PTPRD: variants seen among roughly 807,000 people sequenced by gnomAD.
The protein encoded by PTPRD is protein tyrosine phosphatase receptor type D.
Under a neutral mutation model 214.5 loss-of-function variants are expected in PTPRD, and 34 were observed. The ratio of observed to expected loss-of-function variants is 0.16; its 90% CI spans 0.12 to 0.21. PTPRD has a LOEUF of 0.21. PTPRD is among the 10% of genes least tolerant of loss of function. The probability of loss-of-function intolerance (pLI) is 1.00; values close to 1 mark genes in which losing one functional copy is unlikely to be tolerated. For synonymous variants in PTPRD, 1,128 were observed against 845.7 expected, an observed-to-expected ratio of 1.33 and a Z score of -5.79; for missense variants, 2,545 against 2,398.7, an observed-to-expected ratio of 1.06 and a Z score of -1.27.
At chr9:8,684,404 G>C (rs939192257) in intron 12 of PTPRD, among the ~76,000 whole-genome samples, 3 of 151,968 alleles carry the variant, frequency 2.0e-5, no homozygotes, top group African/African-American at 7.3e-5. Context: ...GCTGACAAGT[G>C]AACCAAGATT....
chr9:8,626,778 C>T (rs1340976760), intron 14 of PTPRD, among the ~76,000 whole-genome samples: 2 of 151,678 alleles, frequency 1.3e-5, no homozygotes, highest in African/African-American at 2.4e-5. Flanking sequence ...AGGTCTTCAG[C>T]TTGCCAGCCT....
chr9:8,398,167 T>C (rs2091637959), intron 36 of PTPRD, among the ~76,000 whole-genome samples: 1 of 152,208 alleles, frequency 6.6e-6, no homozygotes, highest in Admixed American at 6.5e-5. Flanking sequence ...AAAGATAATC[T>C]TAACAATTCC....
chr9:10,380,094 A>C (rs113272618), intron 2 of PTPRD, among the ~76,000 whole-genome samples: 14 of 152,198 alleles, frequency 9.2e-5, no homozygotes, highest in African/African-American at 3.4e-4. Flanking sequence ...AGAGTGGCTG[A>C]GAATACAGGC....
intron 7 of PTPRD, among the ~76,000 whole-genome samples, chr9:9,621,381 T>C (rs1344538063): frequency 2.0e-5 from 3 of 152,218 alleles, no homozygotes; most frequent in Non-Finnish European, 4.4e-5. Context: ...TCCTATTTTA[T>C]TATAGAAACG....
chr9:10,263,821 A>T (rs1291967504), intron 3 of PTPRD, among the ~76,000 whole-genome samples: 2 of 152,144 alleles, frequency 1.3e-5, no homozygotes, highest in African/African-American at 4.8e-5. Context: ...CCTTTGCAGC[A>T]GCCCCTCTTA....
rs2096999331 is a variant in PTPRD at position 8,486,093 on chromosome 9, C to A, written c.2724G>T (p.Val908=). 1 of 1,614,204 alleles carries A rather than the reference C, an allele frequency of 6.2e-7. No individual in the cohort carries two copies. The highest frequency in any genetic ancestry group is 8.5e-7 in the Non-Finnish European group (1 of 1,180,028). ...CTTCTTCTGGAATGGAAATCTCCTT[C>A]ACCATCTCCTCCCCAAAGCCCACTT... The part of the protein sequence containing the change: ...RNKVGFGEEM[V]KEISIPEEVP... Residue 908 remains valine, a synonymous_variant, in exon 28 of 46, where the codon GTG becomes GTT. Transcript: ENST00000381196.
chr9:9,723,441 G>C (rs1171779033), intron 7 of PTPRD, among the ~76,000 whole-genome samples: 2 of 151,962 alleles, frequency 1.3e-5, no homozygotes, highest in African/African-American at 2.4e-5. Flanking sequence ...TGGTTTTATA[G>C]TAAATTTTGA....
intron 6 of PTPRD, among the ~76,000 whole-genome samples, chr9:9,744,551 C>T (rs1028453921): frequency 3.3e-5 from 5 of 152,000 alleles, no homozygotes; most frequent in African/African-American, 1.2e-4. Flanking sequence ...ATAACCTTTG[C>T]TATTGTAGCA....
chr9:9,022,775 A>T (rs563931170), intron 10 of PTPRD, among the ~76,000 whole-genome samples: 2 of 152,324 alleles, frequency 1.3e-5, no homozygotes, highest in African/African-American at 4.8e-5. Context: ...AGAAGCTGTA[A>T]TATGATTTGC....
intron 43 of PTPRD, among the ~76,000 whole-genome samples, chr9:8,335,949 A>G (rs1243007648): frequency 6.6e-6 from 1 of 152,208 alleles, no homozygotes. Context: ...ACCACTGCTC[A>G]AGGAAATAAG....
intron 3 of PTPRD, among the ~76,000 whole-genome samples, chr9:10,141,327 G>C (rs900460274): frequency 6.6e-6 from 1 of 152,012 alleles, no homozygotes; most frequent in African/African-American, 2.4e-5. Flanking sequence ...TTTTGCAGAC[G>C]ACATGATTGT....
intron 2 of PTPRD, among the ~76,000 whole-genome samples, chr9:10,513,636 G>A (rs1459277289): frequency 6.6e-6 from 1 of 152,094 alleles, no homozygotes; most frequent in Non-Finnish European, 1.5e-5. Context: ...CAAGTGATTT[G>A]ACTTGGCTAA....
chr9:8,605,613 A>G (rs368525152), intron 14 of PTPRD, among the ~76,000 whole-genome samples: 2 of 152,206 alleles, frequency 1.3e-5, no homozygotes, highest in African/African-American at 4.8e-5. Context: ...ATCTCTACAT[A>G]AATAGGGATA....
intron 5 of PTPRD, among the ~76,000 whole-genome samples, chr9:9,924,534 C>T (rs1156267086): frequency 6.6e-6 from 1 of 152,048 alleles, no homozygotes; most frequent in East Asian, 1.9e-4. Flanking sequence ...AACAATACAG[C>T]ACACTGATGA....
chr9:9,788,337 G>C (rs983862710), intron 5 of PTPRD, among the ~76,000 whole-genome samples: 1 of 151,102 alleles, frequency 6.6e-6, no homozygotes, highest in Non-Finnish European at 1.5e-5. Context: ...GGATCACGAA[G>C]TCAGGAGATC....
intron 9 of PTPRD, among the ~76,000 whole-genome samples, chr9:9,256,491 A>T (rs2099977764): frequency 6.6e-6 from 1 of 151,642 alleles, no homozygotes; most frequent in Non-Finnish European, 1.5e-5. Context: ...AAACTCTTCT[A>T]ATCCAGCCCT....
intron 11 of PTPRD, among the ~76,000 whole-genome samples, chr9:8,995,537 T>TA (rs2099393382): frequency 6.6e-6 from 1 of 152,052 alleles, no homozygotes; most frequent in African/African-American, 2.4e-5. Flanking sequence ...ATGGGGCTCT[T>TA]ACAGAACTTT....
At chr9:9,464,108 C>T (rs1258010981) in intron 8 of PTPRD, among the ~76,000 whole-genome samples, 3 of 152,160 alleles carry the variant, frequency 2.0e-5, no homozygotes, top group African/African-American at 4.8e-5. Flanking sequence ...TCTGATCTCA[C>T]TTCTCGGCTG....
intron 3 of PTPRD, among the ~76,000 whole-genome samples, chr9:10,132,216 T>C (rs1004224642): frequency 2.0e-5 from 3 of 152,160 alleles, no homozygotes; most frequent in Non-Finnish European, 4.4e-5. Context: ...ATGAAAATGA[T>C]GTGAGACTTT....
Sources: allele counts gnomAD v4.1 joint callset (sites outside exome capture counted in the v4.1 genomes callset), GRCh38; gene constraint gnomAD v4.1.1; transcripts MANE v1.5; gene names NCBI Gene and HGNC (gene_info 2026-07-23, HGNC 2026-07-21).